Variants in SUPT3H observed in about 807,000 individuals in gnomAD.
SUPT3H encodes transcription initiation protein SPT3 homolog.
In SUPT3H, 44 loss-of-function variants were observed where a neutral mutation model predicts 44.3. The observed-to-expected ratio is 0.99, with a 90% CI of 0.78 to 1.28. The LOEUF is 1.28. SUPT3H is among the 50% of genes most tolerant of loss of function. SUPT3H has a pLI of 0.00. For missense variants in SUPT3H, 380 were observed against 387.1 expected, an observed-to-expected ratio of 0.98 and a Z score of 0.15; for synonymous variants, 124 against 125.6, an observed-to-expected ratio of 0.99 and a Z score of 0.09.
At chr6:45,133,814 G>A (rs1803857500) in intron 2 of SUPT3H, among the ~76,000 whole-genome samples, 1 of 152,142 alleles carries the variant, frequency 6.6e-6, no homozygotes, top group African/African-American at 2.4e-5. Context: ...AGTTAAAGTG[G>A]CAATATTAGT....
In SUPT3H at chr6:45,105,911, T is replaced by C. The variant is rs567159897; in HGVS notation, c.186+11A>G. 44 of 1,604,624 alleles carry C rather than the reference T, an allele frequency of 2.7e-5. No homozygotes were observed. In the South Asian group the frequency reaches 4.2e-4, roughly 15 times the overall value. ...AGAAGAGAAACCAAATCAAATTATA[T>C]ATGCTCTTACCAGATTAATTAACTG... On this transcript the variant is annotated intron_variant, in intron 3 of 10. Coordinates refer to ENST00000371459, the MANE Select transcript of SUPT3H (RefSeq NM_003599.4).
At chr6:44,979,551 GA>G (rs1280815055) in intron 6 of SUPT3H, among the ~76,000 whole-genome samples, 2 of 152,070 alleles carry the variant, frequency 1.3e-5, no homozygotes, top group Admixed American at 6.5e-5. Flanking sequence ...GTGGGGGGGG[GA>G]AATCAATGTT....
chr6:45,232,329 G>A (rs1033750050), intron 2 of SUPT3H, among the ~76,000 whole-genome samples: 1 of 152,156 alleles, frequency 6.6e-6, no homozygotes, highest in Non-Finnish European at 1.5e-5. Flanking sequence ...TGGCTTCAGT[G>A]GTATCTGTGC....
intron 2 of SUPT3H, among the ~76,000 whole-genome samples, chr6:45,113,808 C>T (rs543870394): frequency 3.2e-4 from 43 of 133,456 alleles, no homozygotes; most frequent in African/African-American, 9.3e-4. Context: ...CCAGCCTGGG[C>T]GACAGAGCAA....
At chr6:44,878,549 T>C (rs1582157278) in intron 10 of SUPT3H, among the ~76,000 whole-genome samples, 1 of 152,078 alleles carries the variant, frequency 6.6e-6, no homozygotes, top group African/African-American at 2.4e-5. Flanking sequence ...ATTTCATCCA[T>C]TGGTTAGGTT....
At chr6:45,219,998 C>T (rs181098941) in intron 2 of SUPT3H, among the ~76,000 whole-genome samples, 1 of 128,798 alleles carries the variant, frequency 7.8e-6, no homozygotes, top group Non-Finnish European at 1.6e-5. Context: ...GAGACCATGC[C>T]ATTGCACTCC....
At chr6:45,346,981 A>G (rs184359704) in intron 2 of SUPT3H, among the ~76,000 whole-genome samples, 1 of 152,338 alleles carries the variant, frequency 6.6e-6, no homozygotes, top group East Asian at 1.9e-4. Flanking sequence ...TAACAGCTAA[A>G]GAAATACTAT....
intron 2 of SUPT3H, among the ~76,000 whole-genome samples, chr6:45,243,197 CAAAAAAA>C (rs61643038): frequency 0.037 from 2,691 of 72,574 alleles, 48 homozygotes; most frequent in South Asian, 0.1. Context: ...GACTCCTTCT[CAAAAAAA>C]AAAAAAAAAA....
chr6:44,810,046 G>A (rs947259518), intron 11 of SUPT3H, among the ~76,000 whole-genome samples: 1 of 152,146 alleles, frequency 6.6e-6, no homozygotes, highest in African/African-American at 2.4e-5. Flanking sequence ...GCCAAGACTG[G>A]GCCTGTGGGT....
At chr6:45,227,413 T>C (rs1562738514) in intron 2 of SUPT3H, among the ~76,000 whole-genome samples, 2 of 152,192 alleles carry the variant, frequency 1.3e-5, no homozygotes, top group African/African-American at 2.4e-5. Context: ...GTTTAACTTA[T>C]TTAACTTAAC....
intron 2 of SUPT3H, among the ~76,000 whole-genome samples, chr6:45,136,148 T>C (rs1357598009): frequency 6.6e-6 from 1 of 152,180 alleles, no homozygotes; most frequent in Non-Finnish European, 1.5e-5. Context: ...AGAAGAAGCA[T>C]TGATTCAAAC....
intron 2 of SUPT3H, among the ~76,000 whole-genome samples, chr6:45,261,956 A>G (rs2153657891): frequency 6.6e-6 from 1 of 152,236 alleles, no homozygotes; most frequent in South Asian, 2.1e-4. Flanking sequence ...AAGCCAAATA[A>G]AAAATGCAAT....
At chr6:44,942,886 C>T (rs1398801138) in intron 9 of SUPT3H, among the ~76,000 whole-genome samples, 1 of 152,106 alleles carries the variant, frequency 6.6e-6, no homozygotes, top group African/African-American at 2.4e-5. Context: ...CCCTGCTGAA[C>T]ACATATACCA....
intron 2 of SUPT3H, among the ~76,000 whole-genome samples, chr6:45,242,706 C>T (rs1223490275): frequency 6.6e-6 from 1 of 152,022 alleles, no homozygotes; most frequent in African/African-American, 2.4e-5. Flanking sequence ...CCTGGAAAAA[C>T]AAAATTCACC....
At chr6:45,256,451 G>C (rs189822435) in intron 2 of SUPT3H, among the ~76,000 whole-genome samples, 1 of 151,912 alleles carries the variant, frequency 6.6e-6, no homozygotes, top group African/African-American at 2.4e-5. Flanking sequence ...TAATCTCATC[G>C]ATGAGGGCAG....
At chr6:45,126,299 T>C (rs1203256263) in intron 2 of SUPT3H, among the ~76,000 whole-genome samples, 3 of 152,208 alleles carry the variant, frequency 2.0e-5, no homozygotes, top group African/African-American at 7.2e-5. Flanking sequence ...AGATAAAAAA[T>C]GTCCTCCCTT....
chr6:45,351,952 T>C (rs1792141355), intron 2 of SUPT3H, among the ~76,000 whole-genome samples: 1 of 152,128 alleles, frequency 6.6e-6, no homozygotes, highest in African/African-American at 2.4e-5. Context: ...TACTCCTAAT[T>C]AGCTTTCTGT....
intron 6 of SUPT3H, among the ~76,000 whole-genome samples, chr6:44,965,270 C>A (rs924315861): frequency 2.6e-5 from 4 of 152,112 alleles, no homozygotes; most frequent in Non-Finnish European, 5.9e-5. Flanking sequence ...GGATGCTGAA[C>A]GAAGCTGAGG....
chr6:44,846,350 T>TAA (rs1185271377), intron 10 of SUPT3H, among the ~76,000 whole-genome samples: 2 of 152,198 alleles, frequency 1.3e-5, no homozygotes, highest in Non-Finnish European at 2.9e-5. Context: ...GAGTTACACT[T>TAA]ACGCATATTT....
Sources: gnomAD v4.1 joint callset for allele counts (sites outside exome capture counted in the v4.1 genomes callset) on GRCh38, gnomAD v4.1.1 for gene constraint, MANE v1.5 for transcripts, NCBI Gene and HGNC (gene_info 2026-07-23, HGNC 2026-07-21) for gene names.